Variants in WWOX observed in about 807,000 individuals in gnomAD.
WWOX encodes WW domain containing oxidoreductase, also known as WW domain-containing oxidoreductase.
A neutral mutation model predicts 46.2 loss-of-function variants in WWOX; 69 were observed. That is an observed-to-expected ratio of 1.49 (90% CI 1.23 to 1.82). WWOX has a LOEUF of 1.82. Among genes scored for constraint, WWOX ranks in the 40% most tolerant of loss-of-function variants. The pLI is 0.00. For missense variants in WWOX, 919 were observed against 542.6 expected (o/e 1.69, Z -6.89); for synonymous variants, 359 against 202.6 (o/e 1.77, Z -6.56).
chr16:78,956,312 AT>A (rs985919168), intron 8 of WWOX, among the ~76,000 whole-genome samples: 4 of 150,982 alleles, frequency 2.6e-5, no homozygotes, highest in Non-Finnish European at 4.4e-5. Context: ...TACCCAGCTC[AT>A]TTTTTTTTAA....
intron 8 of WWOX, among the ~76,000 whole-genome samples, chr16:78,806,565 T>G (rs2051042820): frequency 6.6e-6 from 1 of 152,106 alleles, no homozygotes; most frequent in Non-Finnish European, 1.5e-5. Flanking sequence ...CTGGAGGGTC[T>G]ATTGGCTGGA....
At chr16:78,259,892 A>T (rs1464008261) in intron 5 of WWOX, among the ~76,000 whole-genome samples, 2 of 151,378 alleles carry the variant, frequency 1.3e-5, no homozygotes, top group African/African-American at 4.9e-5. Flanking sequence ...ATAGACTTTT[A>T]AAAAACTTAA....
chr16:78,998,673 T>G (rs922129461), intron 8 of WWOX, among the ~76,000 whole-genome samples: 1 of 152,212 alleles, frequency 6.6e-6, no homozygotes, highest in Non-Finnish European at 1.5e-5. Flanking sequence ...GCTAGCACAG[T>G]GCTCAGCATG....
chr16:78,894,250 A>C (rs112513489), intron 8 of WWOX, among the ~76,000 whole-genome samples: 13 of 152,162 alleles, frequency 8.5e-5, no homozygotes, highest in African/African-American at 2.4e-4. Context: ...GTTTAGTTTT[A>C]AAGAGTTATA....
At chr16:78,105,449 ACT>A (rs150517601) in intron 1 of WWOX, among the ~76,000 whole-genome samples, 4,942 of 138,902 alleles carry the variant, frequency 0.036, 111 homozygotes, top group Non-Finnish European at 0.052. Flanking sequence ...ACAGAGTGAG[ACT>A]CTGTCTCAAA....
intron 5 of WWOX, among the ~76,000 whole-genome samples, chr16:78,283,669 G>C (rs975434027): frequency 6.6e-6 from 1 of 150,994 alleles, no homozygotes; most frequent in Non-Finnish European, 1.5e-5. Context: ...GGACGTTTTT[G>C]AAGCACTTCT....
chr16:78,851,941 C>T (rs1006901045), intron 8 of WWOX, among the ~76,000 whole-genome samples: 1 of 152,160 alleles, frequency 6.6e-6, no homozygotes, highest in South Asian at 2.1e-4. Context: ...GCTAAAGCCT[C>T]TTGGTTTCTG....
intron 8 of WWOX, among the ~76,000 whole-genome samples, chr16:78,961,824 C>G (rs2046276460): frequency 6.6e-6 from 1 of 152,166 alleles, no homozygotes; most frequent in South Asian, 2.1e-4. Context: ...CTTAATGCAT[C>G]TCTATTTCTG....
At chr16:78,945,060 G>A (rs7205481) in intron 8 of WWOX, among the ~76,000 whole-genome samples, 25,308 of 152,012 alleles carry the variant, frequency 0.17, 4,285 homozygotes, top group African/African-American at 0.43. Flanking sequence ...TACACCTGTA[G>A]TCGCAGGTAC....
chr16:79,211,082 G>T (rs2051726026), intron 8 of WWOX, among the ~76,000 whole-genome samples: 1 of 141,140 alleles, frequency 7.1e-6, no homozygotes, highest in Non-Finnish European at 1.6e-5. Context: ...ACACAACATT[G>T]CCAACCCTTC....
intron 8 of WWOX, among the ~76,000 whole-genome samples, chr16:79,011,495 A>ATTTC (rs1248005125): frequency 2.1e-5 from 3 of 140,750 alleles, no homozygotes; most frequent in African/African-American, 8.0e-5. Context: ...TTATTTATTT[A>ATTTC]TTTATTTATT....
chr16:78,614,402 C>G (rs1274672988), intron 8 of WWOX, among the ~76,000 whole-genome samples: 1 of 152,252 alleles, frequency 6.6e-6, no homozygotes, highest in Non-Finnish European at 1.5e-5. Flanking sequence ...TCTGAGTCCA[C>G]ATTGCTGCCT....
At chr16:78,624,579 A>G (rs1179467435) in intron 8 of WWOX, among the ~76,000 whole-genome samples, 1 of 152,214 alleles carries the variant, frequency 6.6e-6, no homozygotes, top group East Asian at 1.9e-4. Context: ...ATCTAATAGC[A>G]TACTGAACCC....
intron 8 of WWOX, among the ~76,000 whole-genome samples, chr16:78,904,018 C>T (rs2044895173): frequency 6.6e-6 from 1 of 152,098 alleles, no homozygotes; most frequent in Non-Finnish European, 1.5e-5. Context: ...AATCATATAT[C>T]ATCAACACCT....
At chr16:78,438,005 C>A (rs758335763) in intron 8 of WWOX, among the ~76,000 whole-genome samples, 20 of 152,008 alleles carry the variant, frequency 1.3e-4, no homozygotes, top group Non-Finnish European at 2.4e-4. Context: ...ATTCACAAAA[C>A]CAGGTGTTGT....
chr16:78,353,435 T>C (rs1198693910), intron 5 of WWOX, among the ~76,000 whole-genome samples: 1 of 152,138 alleles, frequency 6.6e-6, no homozygotes, highest in Non-Finnish European at 1.5e-5. Context: ...ACCAAATCTA[T>C]CGATTAATAG....
intron 8 of WWOX, among the ~76,000 whole-genome samples, chr16:79,084,007 T>C (rs963629782): frequency 1.3e-5 from 2 of 152,202 alleles, no homozygotes; most frequent in African/African-American, 2.4e-5. Context: ...GGGGCTGTTT[T>C]GGTTAACCAC....
intron 8 of WWOX, among the ~76,000 whole-genome samples, chr16:79,198,468 A>G (rs1672907068): frequency 6.6e-6 from 1 of 152,186 alleles, no homozygotes; most frequent in Admixed American, 6.5e-5. Context: ...TTATTTTCCC[A>G]TGGGCAATTA....
chr16:79,010,926 C>A (rs900411502), intron 8 of WWOX, among the ~76,000 whole-genome samples: 2 of 151,802 alleles, frequency 1.3e-5, no homozygotes, highest in African/African-American at 4.8e-5. Flanking sequence ...CCTCGGAGGT[C>A]CTGCCATGGC....
Sources: allele counts gnomAD v4.1 joint callset (sites outside exome capture counted in the v4.1 genomes callset), GRCh38; gene constraint gnomAD v4.1.1; transcripts MANE v1.5; gene names NCBI Gene and HGNC (gene_info 2026-07-23, HGNC 2026-07-21).